The following KCNQ1 variants were observed in gnomAD, a reference collection of about 807,000 sequenced individuals.
The protein encoded by KCNQ1 is potassium voltage-gated channel subfamily Q member 1, also known as potassium voltage-gated channel subfamily KQT member 1.
KCNQ1 carries 49 observed loss-of-function variants against 72.4 expected under a neutral mutation model. The observed-to-expected ratio is 0.68, with a 90% CI of 0.54 to 0.86. The LOEUF (loss-of-function observed/expected upper bound fraction) is 0.86, where lower values mean the gene tolerates loss of function less well. KCNQ1 is among the 40% of genes least tolerant of loss of function. The pLI is 0.00. For synonymous variants in KCNQ1, 450 were observed against 412.6 expected, an observed-to-expected ratio of 1.09 and a Z score of -1.10; for missense variants, 790 against 945.1, an observed-to-expected ratio of 0.84 and a Z score of 2.15.
Position 2,669,642 on chromosome 11 carries a change from T to C in KCNQ1, c.1514+7561T>C. 2 of 398,654 alleles carry C rather than the reference T, an allele frequency of 5.0e-6. No individual in the cohort carries two copies. Among genetic ancestry groups the C allele is most frequent in the Non-Finnish European group, 8.8e-6 (2 of 226,076 alleles). 24.7% of individuals were successfully genotyped at this position (398,654 alleles called of 1,614,324 possible). A position where few individuals can be genotyped will look rare whatever the true frequency, so the allele number is the denominator to read the frequency against. On this transcript the variant is annotated intron_variant, in intron 11 of 15. Transcript: ENST00000155840. The surrounding 1 kb of genome is among the most constrained non-coding windows in gnomAD (Gnocchi z 5.6). The stretch of plus-strand genomic sequence containing the variant: ...CTATCAGCCTCAGTTTCCTCTTGTA[T>C]ACATTGGGAGTATATCTCACAGTAT...
At chr11:2,650,502 A>G (rs909047692) in intron 10 of KCNQ1, 5 of 398,508 alleles carry the variant, frequency 1.3e-5, no homozygotes, top group East Asian at 1.1e-4. Flanking sequence ...TGTCTCTACA[A>G]TTAATTAGAC....
At chr11:2,576,091 T>C (rs144534737) in intron 6 of KCNQ1, among the ~76,000 whole-genome samples, 1 of 152,194 alleles carries the variant, frequency 6.6e-6, no homozygotes, top group Non-Finnish European at 1.5e-5. Flanking sequence ...CTCATCTTGA[T>C]TGAATCTTCA....
chr11:2,700,931 C>T lies in KCNQ1; in HGVS notation c.1514+38850C>T, dbSNP rs982383816. Among the ~76,000 whole-genome samples the T allele has an allele frequency of 5.3e-5, 8 of 152,372 alleles. No homozygotes were observed. In the East Asian group the frequency reaches 1.4e-3, roughly 26 times the overall value. ...GTCACAAAAGCCCCCTCTAGAAGTT[C>T]ACACCCTGAGGCTTCCCTGGCAAGG... is the stretch of plus-strand genomic sequence containing the variant. On this transcript the variant is annotated intron_variant, in intron 11 of 15. Coordinates refer to ENST00000155840, the MANE Select transcript of KCNQ1 (RefSeq NM_000218.3).
rs939431028 is a variant in KCNQ1, at chr11:2,847,876, G to A, written c.1904G>A (p.Gly635Glu). ...PGSGGPPREG[G>E]AHITQPCGSG... ...AGCGGCGGCCCCCCCAGAGAGGGCG[G>A]GGCCCACATCACCCAGCCCTGCGGC... Residue 635 changes from glycine to glutamate, a missense_variant, in exon 16 of 16, where the codon GGG becomes GAG. By Grantham distance (98) the Gly-to-Glu change is moderately conservative. Around this residue, in one of 5 missense-constraint regions of KCNQ1, gnomAD observed 94 missense variants for 85.2 expected, o/e 1.10. Coordinates refer to ENST00000155840, the MANE Select transcript of KCNQ1 (RefSeq NM_000218.3). 1.3e-5 allele frequency: 20 copies of A among 1,580,042 alleles called. No individual in the cohort carries two copies. The highest frequency in any genetic ancestry group is 1.7e-5 in the Non-Finnish European group (20 of 1,163,332).
intron 11 of KCNQ1, among the ~76,000 whole-genome samples, chr11:2,731,163 G>A (rs895637016): frequency 3.9e-5 from 6 of 152,212 alleles, no homozygotes; most frequent in South Asian, 2.1e-4. Context: ...GCAGAGGGAG[G>A]CAGCCCCTAG....
At chr11:2,733,352 A>G (rs1110724) in intron 11 of KCNQ1, among the ~76,000 whole-genome samples, 126,379 of 151,946 alleles carry the variant, frequency 0.83, 52,974 homozygotes, top group Middle Eastern at 0.93. Context: ...GCCCTCCTTC[A>G]CTGCGACCCC....
At chr11:2,742,377 C>T in intron 11 of KCNQ1, among the ~76,000 whole-genome samples, 1 of 152,200 alleles carries the variant, frequency 6.6e-6, no homozygotes, top group East Asian at 1.9e-4. Flanking sequence ...TCCCCATGTG[C>T]CCATTTGCAG....
At position 2,505,516 on chromosome 11, in the gene KCNQ1, TG is replaced by T. The variant is rs1564800140; in HGVS notation, c.387-22411del. On this transcript the variant is annotated intron_variant, in intron 1 of 15. Coordinates refer to ENST00000155840, the MANE Select transcript of KCNQ1 (RefSeq NM_000218.3). ...GCTTATTGTGTTAAGTCCTCTATTC[TG>T]TAACTTATCTTCTGCCTGGTTGTTC... 2.0e-5 allele frequency among the ~76,000 whole-genome samples: 3 copies of T among 152,208 alleles called. No homozygotes were observed. The East Asian group carries it at 5.8e-4, about 29-fold the overall frequency.
chr11:2,478,070 A>G lies in KCNQ1; in HGVS notation c.386+32586A>G, dbSNP rs1016032294. ...GTGATCCAAGTTAACATCACCAGGA[A>G]TGGGACAGGCCAGCTTCACCACCCT... On this transcript the variant is annotated intron_variant, in intron 1 of 15. Transcript: ENST00000155840. The surrounding 1 kb of genome is among the most constrained non-coding windows in gnomAD (Gnocchi z 4.0). Among the ~76,000 whole-genome samples, 8 of 152,200 alleles carry G rather than the reference A, an allele frequency of 5.3e-5. No homozygotes were observed. Among genetic ancestry groups the G allele is most frequent in the Non-Finnish European group, 1.0e-4 (7 of 68,034 alleles).
In KCNQ1 at chr11:2,715,531, G is replaced by T. The variant is rs1189573880; in HGVS notation, c.1515-53313G>T. Among the ~76,000 whole-genome samples the T allele has an allele frequency of 6.6e-6, 1 of 152,106 alleles. No homozygotes were observed. Among genetic ancestry groups the T allele is most frequent in the African/African-American group, 2.4e-5 (1 of 41,424 alleles). On this transcript the variant is annotated intron_variant, in intron 11 of 15. Coordinates refer to ENST00000155840, the MANE Select transcript of KCNQ1 (RefSeq NM_000218.3). The surrounding 1 kb of genome is among the most constrained non-coding windows in gnomAD (Gnocchi z 4.9). ...AGCAGCCAGGTAGACTTCGTTTCCA[G>T]CCGGAGTGTACCTGGGGATGCCTGT...
intron 10 of KCNQ1, chr11:2,632,073 C>A (rs1849363477): frequency 2.5e-6 from 1 of 393,118 alleles, no homozygotes; most frequent in South Asian, 1.4e-4. Context: ...GTCCCAGCTA[C>A]TTGGGAGGCT....
chr11:2,810,860 G>A (rs1388641310), intron 15 of KCNQ1, among the ~76,000 whole-genome samples: 3 of 151,706 alleles, frequency 2.0e-5, no homozygotes, highest in African/African-American at 7.3e-5. Context: ...TGGGCTCGAG[G>A]TACAGGGCTG....
chr11:2,562,050 G>T lies in KCNQ1; in HGVS notation c.478-8578G>T, dbSNP rs969502071. Among the ~76,000 whole-genome samples, 1 of 152,176 alleles carries T rather than the reference G, an allele frequency of 6.6e-6. No individual in the cohort carries two copies. The highest frequency in any genetic ancestry group is 2.4e-5 in the African/African-American group (1 of 41,454). On this transcript the variant is annotated intron_variant, in intron 2 of 15. Coordinates refer to ENST00000155840, the MANE Select transcript of KCNQ1 (RefSeq NM_000218.3). This position sits in a 1 kb window ranked among gnomAD's most constrained non-coding sequence, Gnocchi z 7.5. ...AGGGGAGGGGCTGTGGCAGGGCAGG[G>T]TCATGTCCCCAGCAGTAAGGCCAGG...
At chr11:2,636,541 G>A (rs1849468276) in intron 10 of KCNQ1, 1 of 152,186 alleles carries the variant, frequency 6.6e-6, no homozygotes, top group Non-Finnish European at 1.5e-5. Flanking sequence ...AAGCCCACTT[G>A]ATCATGGTGG....
Position 2,484,278 on chromosome 11 carries a change from C to G in KCNQ1, c.386+38794C>G, listed in dbSNP as rs973157709. On this transcript the variant is annotated intron_variant, in intron 1 of 15. Transcript: ENST00000155840. The surrounding 1 kb of genome is among the most constrained non-coding windows in gnomAD (Gnocchi z 5.2). ...TCCGGGGTTCAAGTGATTCTCCTGCCTCAGCCTCCTGAGTAGCTGGGATTA... is the reference window on the plus strand; with the variant it reads ...TCCGGGGTTCAAGTGATTCTCCTGCGTCAGCCTCCTGAGTAGCTGGGATTA... Among the ~76,000 whole-genome samples the G allele has an allele frequency of 2.6e-5, 4 of 152,124 alleles. No individual in the cohort carries two copies. The highest frequency in any genetic ancestry group is 5.9e-5 in the Non-Finnish European group (4 of 68,032).
At chr11:2,553,164 T>G (rs934403394) in intron 2 of KCNQ1, among the ~76,000 whole-genome samples, 9 of 134,290 alleles carry the variant, frequency 6.7e-5, no homozygotes, top group Non-Finnish European at 1.1e-4. Flanking sequence ...TTTTTTTTGT[T>G]TTTTTTTTTT....
Position 2,481,061 on chromosome 11 carries a change from ACAT to A in KCNQ1, c.386+35581_386+35583del, listed in dbSNP as rs1342648963. Among the ~76,000 whole-genome samples, 5 of 152,230 alleles carry A rather than the reference ACAT, an allele frequency of 3.3e-5. No homozygotes were observed. Among genetic ancestry groups the A allele is most frequent in the African/African-American group, 7.2e-5 (3 of 41,454 alleles). On this transcript the variant is annotated intron_variant, in intron 1 of 15. Transcript: ENST00000155840. The surrounding 1 kb of genome is among the most constrained non-coding windows in gnomAD (Gnocchi z 4.6). Reference sequence around the variant, plus strand: ...AATCGAAAGTTAGAAGAGAATTACCACATCATGTTGGATTTCACTCATAGCCAC... The same window carrying A: ...AATCGAAAGTTAGAAGAGAATTACCACATGTTGGATTTCACTCATAGCCAC...
At position 2,645,468 on chromosome 11, in the gene KCNQ1, G is replaced by C. The variant is rs1344942699; in HGVS notation, c.1394-16493G>C. 2.5e-6 allele frequency: 1 copy of C among 398,594 alleles called. No individual in the cohort carries two copies. Among genetic ancestry groups the C allele is most frequent in the Non-Finnish European group, 4.4e-6 (1 of 226,148 alleles). The allele number at this position is 398,594 out of a possible 1,614,324, so 24.7% of individuals were successfully genotyped here. A position where few individuals can be genotyped will look rare whatever the true frequency, so the allele number is the denominator to read the frequency against. On this transcript the variant is annotated intron_variant, in intron 10 of 15. Coordinates refer to ENST00000155840, the MANE Select transcript of KCNQ1 (RefSeq NM_000218.3). The surrounding 1 kb of genome is among the most constrained non-coding windows in gnomAD (Gnocchi z 5.8). ...GGTAGGCAGGCACAGGAAGATCCCT[G>C]TATACCCTGCTGAATGCTCATGTTG...
At chr11:2,461,304 C>T (rs954731528) in intron 1 of KCNQ1, 1 of 760,216 alleles carries the variant, frequency 1.3e-6, no homozygotes, top group African/African-American at 1.8e-5. Context: ...CTCAGGCCGC[C>T]TCGCAGCAGA....
Sources: allele counts gnomAD v4.1 joint callset (sites outside exome capture counted in the v4.1 genomes callset), GRCh38; gene constraint gnomAD v4.1.1; regional missense constraint gnomAD v4.1.1; non-coding constraint Gnocchi (gnomAD v3.1); transcripts MANE v1.5; gene names NCBI Gene and HGNC (gene_info 2026-07-23, HGNC 2026-07-21).